Variants in ZNF354B observed in about 807,000 individuals in gnomAD.
The protein encoded by ZNF354B is zinc finger protein 354B.
Under a neutral mutation model 12.9 loss-of-function variants are expected in ZNF354B, and 10 were observed. That is an observed-to-expected ratio of 0.77 (90% CI 0.48 to 1.31). The LOEUF is 1.31. Ranked by LOEUF, ZNF354B falls within the 40% of genes most tolerant of loss-of-function variation. The pLI, the probability that ZNF354B is intolerant of heterozygous loss-of-function variation, is 0.00. For missense variants in ZNF354B, 614 were observed against 711.7 expected (o/e 0.86, Z 1.56); for synonymous variants, 260 against 243.7 (o/e 1.07, Z -0.62).
chr5:178,872,283 A>G (rs1160029636), intron 4 of ZNF354B, among the ~76,000 whole-genome samples: 1 of 152,040 alleles, frequency 6.6e-6, no homozygotes, highest in Non-Finnish European at 1.5e-5. Flanking sequence ...CTTAACATAA[A>G]TCTCTGGAAA....
Position 178,884,316 on chromosome 5 carries a change from A to G in ZNF354B, c.*25A>G. ...AAAGCCTTAAACCAAAACTCATCAG[A>G]GAATACATGCTTGAGAGTGATTTAT... On this transcript the variant is annotated 3_prime_UTR_variant, in exon 5 of 5. Coordinates refer to ENST00000322434, the MANE Select transcript of ZNF354B (RefSeq NM_058230.3). The G allele has an allele frequency of 6.5e-7, 1 of 1,542,306 alleles. No individual in the cohort carries two copies. The highest frequency in any genetic ancestry group is 8.7e-7 in the Non-Finnish European group (1 of 1,149,408).
chr5:178,880,374 A>AT (rs1289415153), intron 4 of ZNF354B, among the ~76,000 whole-genome samples: 2 of 149,362 alleles, frequency 1.3e-5, no homozygotes, highest in Non-Finnish European at 3.0e-5. Flanking sequence ...TAACTTTTGT[A>AT]TTTTTAGTAG....
At chr5:178,880,420 G>A (rs528991811) in intron 4 of ZNF354B, among the ~76,000 whole-genome samples, 90 of 151,130 alleles carry the variant, frequency 6.0e-4, no homozygotes, top group Middle Eastern at 3.5e-3. Flanking sequence ...GGATGGTCTC[G>A]ATCTCCTGAC....
In ZNF354B at chr5:178,883,862, A is replaced by G; in HGVS notation, c.1410A>G (p.Val470=). The G allele has an allele frequency of 1.2e-6, 2 of 1,614,172 alleles. No homozygotes were observed. Among genetic ancestry groups the G allele is most frequent in the Non-Finnish European group, 8.5e-7 (1 of 1,180,000 alleles). The change falls in exon 5 of 5, where the codon GTA becomes GTG. Residue 470 remains valine (V), a synonymous_variant. Transcript: ENST00000322434. The part of the protein sequence containing the change: ...HTGEKPCKCK[V]CGKAFRQSSA... ...GAGAAAAACCATGTAAATGTAAAGT[A>G]TGTGGAAAAGCCTTCAGACAGAGTT...
At chr5:178,875,820 A>C (rs1054900676) in intron 4 of ZNF354B, among the ~76,000 whole-genome samples, 17 of 152,168 alleles carry the variant, frequency 1.1e-4, no homozygotes, top group Non-Finnish European at 2.4e-4. Context: ...GACTGAGGGC[A>C]GCAGGTGTAG....
chr5:178,864,780 G>A (rs753197367), intron 2 of ZNF354B, among the ~76,000 whole-genome samples: 5 of 151,778 alleles, frequency 3.3e-5, no homozygotes, highest in Non-Finnish European at 5.9e-5. Context: ...ATGCCACCAC[G>A]CCCGGCTAAT....
In ZNF354B at chr5:178,884,392, T is replaced by G; in HGVS notation, c.*101T>G. ...CTTAGTTCTCATCAGATACTAAGTT[T>G]TAAGAATAAACTTTAGCTATGTAAT... On this transcript the variant is annotated 3_prime_UTR_variant, in exon 5 of 5. Transcript: ENST00000322434. 7.8e-7 allele frequency: 1 copy of G among 1,285,388 alleles called. No homozygotes were observed. The highest frequency in any genetic ancestry group is 1.1e-6 in the Non-Finnish European group (1 of 950,652). 79.6% of individuals were successfully genotyped at this position (1,285,388 alleles called of 1,614,324 possible).
At chr5:178,880,091 A>T (rs1271477530) in intron 4 of ZNF354B, among the ~76,000 whole-genome samples, 1 of 152,196 alleles carries the variant, frequency 6.6e-6, no homozygotes, top group African/African-American at 2.4e-5. Context: ...ACGTCACCGC[A>T]CTTCAGCCTG....
Position 178,884,566 on chromosome 5 carries a change from C to G in ZNF354B, c.*275C>G, listed in dbSNP as rs75617526. ...TATAATATATGCTATCTATGACATG[C>G]AAAAAAGAAAAGTCTGGGTGCTGAG... is the stretch of plus-strand genomic sequence containing the variant. On this transcript the variant is annotated 3_prime_UTR_variant, in exon 5 of 5. Coordinates refer to ENST00000322434, the MANE Select transcript of ZNF354B (RefSeq NM_058230.3). 0.011 allele frequency: 2,767 copies of G among 262,612 alleles called. 170 individuals carry two copies. The East Asian group carries it at 0.14, about 13-fold the overall frequency. The allele number at this position is 262,612 out of a possible 1,614,324, so 16.3% of individuals were successfully genotyped here. A position where few individuals can be genotyped will look rare whatever the true frequency, so the allele number is the denominator to read the frequency against.
At chr5:178,864,674 G>A (rs1358038600) in intron 2 of ZNF354B, among the ~76,000 whole-genome samples, 2 of 151,228 alleles carry the variant, frequency 1.3e-5, no homozygotes. Context: ...CAAGGCTGGA[G>A]TGCAGTGGTG....
chr5:178,870,753 G>A (rs1757550116), intron 4 of ZNF354B, among the ~76,000 whole-genome samples: 1 of 152,162 alleles, frequency 6.6e-6, no homozygotes, highest in African/African-American at 2.4e-5. Flanking sequence ...TGATGACATG[G>A]CCTGGAATGT....
In ZNF354B at chr5:178,883,918, C is replaced by G. The variant is rs1306081940; in HGVS notation, c.1466C>G (p.Thr489Ser). The G allele has an allele frequency of 8.7e-6, 14 of 1,613,970 alleles. No individual in the cohort carries two copies. The highest frequency in any genetic ancestry group is 1.1e-5 in the Non-Finnish European group (13 of 1,179,984). Reference protein sequence around the residue: ...SALIQHQRMHTGERPYKCNEC... With the variant: ...SALIQHQRMHSGERPYKCNEC... ...CTCATTCAACATCAGAGAATGCATA[C>G]TGGAGAAAGACCCTATAAGTGTAAC... Residue 489 changes from threonine to serine, a missense_variant, in exon 5 of 5, where the codon ACT (threonine) becomes AGT (serine). Physicochemically the swap from Thr to Ser is moderately conservative, Grantham distance 58. Coordinates refer to ENST00000322434, the MANE Select transcript of ZNF354B (RefSeq NM_058230.3).
Position 178,883,176 on chromosome 5 carries a change from T to C in ZNF354B, c.724T>C (p.Phe242Leu). 1 of 1,613,622 alleles carries C rather than the reference T, an allele frequency of 6.2e-7. No individual in the cohort carries two copies. The highest frequency in any genetic ancestry group is 1.1e-5 in the South Asian group (1 of 90,804). Residue 242 changes from phenylalanine to leucine, a missense_variant, in exon 5 of 5, where the codon TTT (phenylalanine) becomes CTT (leucine). Physicochemically the swap from Phe to Leu is conservative, Grantham distance 22. Coordinates refer to ENST00000322434, the MANE Select transcript of ZNF354B (RefSeq NM_058230.3). ...GAAAAACCACACTGGAGAAAAATTATTTAAATGTAAAGAATGTTTAAAAGC... is the reference window on the plus strand; with the variant it reads ...GAAAAACCACACTGGAGAAAAATTACTTAAATGTAAAGAATGTTTAAAAGC... ...HQKNHTGEKL[F>L]KCKECLKAFS...
At chr5:178,871,011 A>G (rs1757554752) in intron 4 of ZNF354B, among the ~76,000 whole-genome samples, 1 of 152,130 alleles carries the variant, frequency 6.6e-6, no homozygotes, top group Admixed American at 6.5e-5. Flanking sequence ...GTTTGCCAGC[A>G]AAGACTCGTA....
At chr5:178,871,159 A>G (rs906087358) in intron 4 of ZNF354B, among the ~76,000 whole-genome samples, 2 of 152,146 alleles carry the variant, frequency 1.3e-5, no homozygotes, top group African/African-American at 4.8e-5. Flanking sequence ...AGTATAGCCC[A>G]AAGTCCCCAT....
At chr5:178,862,570 A>G (rs1757376048) in intron 2 of ZNF354B, among the ~76,000 whole-genome samples, 1 of 152,000 alleles carries the variant, frequency 6.6e-6, no homozygotes, top group Non-Finnish European at 1.5e-5. Context: ...GGGTTTCACC[A>G]TGTTGGCCAG....
chr5:178,863,928 GAA>G (rs1375444129), intron 2 of ZNF354B, among the ~76,000 whole-genome samples: 1 of 152,082 alleles, frequency 6.6e-6, no homozygotes, highest in African/African-American at 2.4e-5. Flanking sequence ...AGGATATAAA[GAA>G]AGAAAATATT....
intron 4 of ZNF354B, among the ~76,000 whole-genome samples, chr5:178,881,124 G>T (rs572099234): frequency 5.9e-5 from 9 of 152,258 alleles, no homozygotes; most frequent in African/African-American, 2.2e-4. Flanking sequence ...GGTTACAGGT[G>T]TGAGCCAGCA....
intron 4 of ZNF354B, among the ~76,000 whole-genome samples, chr5:178,880,974 C>G (rs1757708124): frequency 6.6e-6 from 1 of 151,406 alleles, no homozygotes; most frequent in Admixed American, 6.6e-5. Context: ...TCCCTAGTCA[C>G]TAGCATTACA....
Sources: gnomAD v4.1 joint callset for allele counts (sites outside exome capture counted in the v4.1 genomes callset) on GRCh38, gnomAD v4.1.1 for gene constraint, MANE v1.5 for transcripts, NCBI Gene and HGNC (gene_info 2026-07-23, HGNC 2026-07-21) for gene names.